TRIO: variants seen among roughly 807,000 people sequenced by gnomAD.
TRIO encodes trio Rho guanine nucleotide exchange factor, also known as triple functional domain protein.
A neutral mutation model predicts 351.9 loss-of-function variants in TRIO; 58 were observed. That is an observed-to-expected ratio of 0.16 (90% CI 0.13 to 0.21). The LOEUF (loss-of-function observed/expected upper bound fraction) is 0.21, where lower values mean the gene tolerates loss of function less well. TRIO is among the 10% of genes least tolerant of loss of function. The pLI, the probability that TRIO is intolerant of heterozygous loss-of-function variation, is 1.00. For missense variants in TRIO, 3,201 were observed against 4,027.8 expected (o/e 0.79, Z 5.56); for synonymous variants, 1,758 against 1,595.7 (o/e 1.10, Z -2.42).
intron 1 of TRIO, among the ~76,000 whole-genome samples, chr5:14,258,562 G>A (rs1035820724): frequency 4.6e-5 from 7 of 152,194 alleles, no homozygotes; most frequent in African/African-American, 1.4e-4. Flanking sequence ...CCTACAAGAC[G>A]TTCAGCTTTG....
intron 9 of TRIO, among the ~76,000 whole-genome samples, chr5:14,325,894 G>A (rs1050787659): frequency 3.9e-5 from 6 of 152,166 alleles, no homozygotes; most frequent in African/African-American, 1.2e-4. Context: ...GTAACTATTC[G>A]CAGATTTACC....
At chr5:14,425,581 A>G (rs1750574295) in intron 34 of TRIO, among the ~76,000 whole-genome samples, 1 of 152,178 alleles carries the variant, frequency 6.6e-6, no homozygotes, top group Non-Finnish European at 1.5e-5. Context: ...CAGAAATGCA[A>G]TTGATGGATC....
chr5:14,392,624 C>G (rs941770687), intron 27 of TRIO, among the ~76,000 whole-genome samples: 5 of 152,230 alleles, frequency 3.3e-5, no homozygotes, highest in African/African-American at 1.2e-4. Context: ...AAGACACATG[C>G]ACACACGTTT....
intron 1 of TRIO, among the ~76,000 whole-genome samples, chr5:14,262,031 C>T (rs577215494): frequency 9.9e-5 from 15 of 152,242 alleles, no homozygotes; most frequent in African/African-American, 3.1e-4. Flanking sequence ...CCCAGAACTG[C>T]GAATTGTAGA....
intron 11 of TRIO, among the ~76,000 whole-genome samples, chr5:14,348,111 G>A (rs1742602219): frequency 6.6e-6 from 1 of 152,130 alleles, no homozygotes; most frequent in African/African-American, 2.4e-5. Flanking sequence ...GGATCACGTG[G>A]GTATTGTGTA....
chr5:14,378,286 A>G (rs1443250522), intron 20 of TRIO, among the ~76,000 whole-genome samples, 159 bp downstream of exon 20: 1 of 152,168 alleles, frequency 6.6e-6, no homozygotes, highest in East Asian at 1.9e-4. Flanking sequence ...AGAAAACCCC[A>G]CAGCCTGGTA....
At chr5:14,450,273 G>A (rs577843797) in intron 34 of TRIO, among the ~76,000 whole-genome samples, 121 of 152,320 alleles carry the variant, frequency 7.9e-4, no homozygotes, top group African/African-American at 2.8e-3. Flanking sequence ...ACTGCAGTGT[G>A]TTCTCATTTT....
chr5:14,277,619 C>T (rs1735653212), intron 2 of TRIO, among the ~76,000 whole-genome samples: 1 of 152,148 alleles, frequency 6.6e-6, no homozygotes, highest in Admixed American at 6.5e-5. Flanking sequence ...AACTGCAGTG[C>T]TGTTATTTTT....
rs1240839606 is a variant in TRIO, at chr5:14,374,320, A to G, written c.3308A>G (p.Lys1103Arg). 15 of 1,613,264 alleles carry G rather than the reference A, an allele frequency of 9.3e-6. No individual in the cohort carries two copies. Among genetic ancestry groups the G allele is most frequent in the Non-Finnish European group, 1.3e-5 (15 of 1,179,444 alleles). Reference protein sequence around the residue: ...VNMPGMVTHIKAPEQQVKNIL... With the variant: ...VNMPGMVTHIRAPEQQVKNIL... ...ATGCCAGGAATGGTGACGCACATCA[A>G]AGCTCCTGAACAGCAAGTGAAAAGT... is the stretch of plus-strand genomic sequence containing the variant. The change falls in exon 19 of 57, where the codon AAA (lysine) becomes AGA (arginine). Residue 1103 changes from lysine to arginine, a missense_variant. Coordinates refer to ENST00000344204, the MANE Select transcript of TRIO (RefSeq NM_007118.4).
intron 11 of TRIO, among the ~76,000 whole-genome samples, chr5:14,338,795 C>A (rs1374502675): frequency 6.6e-6 from 1 of 152,090 alleles, no homozygotes; most frequent in African/African-American, 2.4e-5. Flanking sequence ...GGCTGAGAGG[C>A]CAAATCGAGA....
intron 47 of TRIO, among the ~76,000 whole-genome samples, chr5:14,486,271 A>G (rs1579797863): frequency 6.6e-6 from 1 of 152,208 alleles, no homozygotes; most frequent in East Asian, 1.9e-4. Flanking sequence ...GCTCAAGCTC[A>G]ATAGGATGTT....
chr5:14,147,849 A>G (rs1393064490), intron 1 of TRIO, among the ~76,000 whole-genome samples: 3 of 152,248 alleles, frequency 2.0e-5, no homozygotes, highest in African/African-American at 7.2e-5. Context: ...GTGAGCACCA[A>G]TAATGATTGT....
intron 1 of TRIO, among the ~76,000 whole-genome samples, chr5:14,167,020 A>C (rs1339294241): frequency 3.9e-5 from 6 of 151,914 alleles, no homozygotes; most frequent in Non-Finnish European, 8.8e-5. Context: ...TCTTCTGCAC[A>C]ATTCCTCAGT....
At chr5:14,172,027 A>C (rs548723022) in intron 1 of TRIO, among the ~76,000 whole-genome samples, 37 of 152,332 alleles carry the variant, frequency 2.4e-4, no homozygotes, top group Admixed American at 1.2e-3. Flanking sequence ...TGAGTAGTGC[A>C]TTGAGCATCT....
At chr5:14,267,357 C>T (rs951339920) in intron 1 of TRIO, among the ~76,000 whole-genome samples, 1 of 152,000 alleles carries the variant, frequency 6.6e-6, no homozygotes, top group Non-Finnish European at 1.5e-5. Context: ...GGCCTCTGTG[C>T]GGTGGTATTT....
chr5:14,174,580 T>A (rs35594035), intron 1 of TRIO, among the ~76,000 whole-genome samples: 22,076 of 152,142 alleles, frequency 0.15, 1,772 homozygotes, highest in Middle Eastern at 0.23. Context: ...GTCGTCAGGG[T>A]CGTATACAAC....
chr5:14,181,079 AC>A (rs1789735881), intron 1 of TRIO, among the ~76,000 whole-genome samples: 1 of 97,112 alleles, frequency 1.0e-5, no homozygotes, highest in Non-Finnish European at 2.0e-5. Context: ...ACAATGGAAT[AC>A]TACAATGTAT....
Position 14,449,308 on chromosome 5 carries a change from G to A in TRIO, c.5204-11711G>A, listed in dbSNP as rs575003056. 5.3e-5 allele frequency among the ~76,000 whole-genome samples: 8 copies of A among 152,330 alleles called. No homozygotes were observed. In the South Asian group the frequency reaches 1.5e-3, roughly 28 times the overall value. ...GCCCTCTCGGCCCCATCTCTGCTGG[G>A]AGGCAGTGTAGTGGGAAGCAGAGAA... On this transcript the variant is annotated intron_variant, in intron 34 of 56. Transcript: ENST00000344204.
chr5:14,495,707 G>A (rs990666687), intron 49 of TRIO, among the ~76,000 whole-genome samples: 34 of 134,230 alleles, frequency 2.5e-4, no homozygotes, highest in South Asian at 1.6e-3. Context: ...GGTGGCTCAC[G>A]CCTGTAATCC....
Sources: allele counts gnomAD v4.1 joint callset (sites outside exome capture counted in the v4.1 genomes callset), GRCh38; gene constraint gnomAD v4.1.1; transcripts MANE v1.5; gene names NCBI Gene and HGNC (gene_info 2026-07-23, HGNC 2026-07-21).